NYAP2: variants seen among roughly 807,000 people sequenced by gnomAD.
NYAP2 encodes the protein neuronal tyrosine-phosphorylated phosphoinositide-3-kinase adapter 2.
In NYAP2, 23 loss-of-function variants were observed where a neutral mutation model predicts 50.4. That is an observed-to-expected ratio of 0.46 (90% CI 0.33 to 0.65). The LOEUF is 0.65. NYAP2 is among the 30% of genes least tolerant of loss of function. The probability of loss-of-function intolerance (pLI) is 0.02; values close to 1 mark genes in which losing one functional copy is unlikely to be tolerated. For synonymous variants in NYAP2, 394 were observed against 365.2 expected, an observed-to-expected ratio of 1.08 and a Z score of -0.90; for missense variants, 885 against 861.0, an observed-to-expected ratio of 1.03 and a Z score of -0.35.
intron 4 of NYAP2, among the ~76,000 whole-genome samples, chr2:225,536,610 A>G (rs1261990981): frequency 1.3e-5 from 2 of 152,104 alleles, no homozygotes; most frequent in African/African-American, 4.8e-5. Context: ...TAACCATACA[A>G]TGTGTAATAA....
intron 3 of NYAP2, among the ~76,000 whole-genome samples, chr2:225,434,762 A>G (rs1689347459): frequency 1.3e-5 from 2 of 152,368 alleles, no homozygotes; most frequent in South Asian, 4.1e-4. Context: ...TGTGTTGGAC[A>G]CGTTTCATTA....
Position 225,422,854 on chromosome 2 carries a change from C to T in NYAP2, c.221+13753C>T, listed in dbSNP as rs181908578. Among the ~76,000 whole-genome samples, 487 of 152,132 alleles carry T rather than the reference C, an allele frequency of 3.2e-3. 1 individual carries two copies. Among genetic ancestry groups the T allele is most frequent in the African/African-American group, 0.011 (460 of 41,516 alleles). Reference sequence around the variant, plus strand: ...TCTTAGTCTGGTTTCTAATCGTGAACGATTCTTTTTAATGATAGATACTAT... The same window carrying T: ...TCTTAGTCTGGTTTCTAATCGTGAATGATTCTTTTTAATGATAGATACTAT... On this transcript the variant is annotated intron_variant, in intron 3 of 6. Coordinates refer to ENST00000636099, the Ensembl canonical transcript of NYAP2.
intron 4 of NYAP2, among the ~76,000 whole-genome samples, chr2:225,531,060 G>A (rs1421703718): frequency 2.6e-5 from 4 of 152,158 alleles, no homozygotes; most frequent in Non-Finnish European, 4.4e-5. Context: ...TTTCTCACAT[G>A]TGTATCCAAT....
chr2:225,479,080 CAT>C (rs951564867), intron 3 of NYAP2, among the ~76,000 whole-genome samples: 2 of 152,074 alleles, frequency 1.3e-5, no homozygotes, highest in Admixed American at 6.5e-5. Flanking sequence ...AAAATATGTT[CAT>C]ATGTGACTTG....
chr2:225,552,284 A>G (rs913014753), intron 4 of NYAP2, among the ~76,000 whole-genome samples: 5 of 152,226 alleles, frequency 3.3e-5, no homozygotes, highest in African/African-American at 1.2e-4. Flanking sequence ...TTGAACACAT[A>G]GAATTTCATA....
At chr2:225,566,572 A>G (rs934237183) in intron 4 of NYAP2, among the ~76,000 whole-genome samples, 12 of 152,230 alleles carry the variant, frequency 7.9e-5, no homozygotes, top group Non-Finnish European at 8.8e-5. Context: ...GGTGCTTAGC[A>G]TCATGCATTT....
At chr2:225,657,665 A>C (rs185087712), downstream of NYAP2, among the ~76,000 whole-genome samples, 2 of 152,186 alleles carry the variant, frequency 1.3e-5, no homozygotes, top group Admixed American at 6.5e-5. Context: ...GAGTAGAAAA[A>C]CTTCAAAAAT....
At chr2:225,583,612 C>T in intron 5 of NYAP2, among the ~76,000 whole-genome samples, 1 of 149,320 alleles carries the variant, frequency 6.7e-6, no homozygotes, top group South Asian at 2.1e-4. Flanking sequence ...CCTGGAAAGT[C>T]AAACAGTGAA....
At position 225,607,600 on chromosome 2, in the gene NYAP2, G is replaced by A. The variant is rs375621628; in HGVS notation, c.1619-19317G>A. Among the ~76,000 whole-genome samples the A allele has an allele frequency of 2.7e-4, 41 of 152,158 alleles. No individual in the cohort carries two copies. The South Asian group carries it at 7.3e-3, about 27-fold the overall frequency. ...CTTAAAACATCCTAAGTCAAAATTT[G>A]TACCTGACCCAGGTTATAAAGATTT... On this transcript the variant is annotated intron_variant, in intron 5 of 6. Coordinates refer to ENST00000636099, the Ensembl canonical transcript of NYAP2.
chr2:225,453,785 A>T (rs1444720289), intron 3 of NYAP2, among the ~76,000 whole-genome samples: 2 of 151,356 alleles, frequency 1.3e-5, no homozygotes, highest in Non-Finnish European at 2.9e-5. Context: ...CTCCTGCCTA[A>T]ACCTTCTGAG....
At chr2:225,499,298 C>T (rs1690559910) in intron 3 of NYAP2, among the ~76,000 whole-genome samples, 1 of 151,672 alleles carries the variant, frequency 6.6e-6, no homozygotes, top group East Asian at 1.9e-4. Flanking sequence ...CTAGTTTATG[C>T]CACTAGCAAG....
intron 4 of NYAP2, among the ~76,000 whole-genome samples, chr2:225,575,298 A>C (rs1487172534): frequency 6.6e-6 from 1 of 152,140 alleles, no homozygotes; most frequent in Non-Finnish European, 1.5e-5. Context: ...TGAGTACCAA[A>C]ACCGGTGTAC....
chr2:225,473,143 G>A (rs904249751), intron 3 of NYAP2, among the ~76,000 whole-genome samples: 19 of 151,864 alleles, frequency 1.3e-4, no homozygotes, highest in East Asian at 5.8e-4. Context: ...TGAACTCATC[G>A]TTTTTTATGG....
chr2:225,581,778 G>C (rs1344455773), intron 4 of NYAP2, among the ~76,000 whole-genome samples, 163 bp from the exon 5 acceptor site: 2 of 152,104 alleles, frequency 1.3e-5, no homozygotes, highest in Non-Finnish European at 2.9e-5. Flanking sequence ...CTAAATAAGG[G>C]AATGCTTGAC....
intron 6 of NYAP2, among the ~76,000 whole-genome samples, chr2:225,635,809 A>G (rs529953142): frequency 6.6e-6 from 1 of 152,338 alleles, no homozygotes; most frequent in Non-Finnish European, 1.5e-5. Context: ...ACAGTTATCA[A>G]ATAAGTAATC....
chr2:225,443,888 T>G (rs893462187), intron 3 of NYAP2, among the ~76,000 whole-genome samples: 8 of 152,336 alleles, frequency 5.3e-5, no homozygotes, highest in African/African-American at 1.9e-4. Flanking sequence ...TAGATCCAAT[T>G]GAGTCGACAT....
intron 3 of NYAP2, among the ~76,000 whole-genome samples, chr2:225,444,858 C>T (rs1689526894): frequency 6.6e-6 from 1 of 152,176 alleles, no homozygotes; most frequent in Admixed American, 6.5e-5. Context: ...GACAATAACA[C>T]TTATTTGTGC....
At chr2:225,531,908 G>C (rs1388955844) in intron 4 of NYAP2, among the ~76,000 whole-genome samples, 1 of 152,128 alleles carries the variant, frequency 6.6e-6, no homozygotes, top group Non-Finnish European at 1.5e-5. Flanking sequence ...ACTAATTATG[G>C]GTTGTCACAA....
chr2:225,404,009 C>G (rs1458337470), intron 2 of NYAP2, among the ~76,000 whole-genome samples: 1 of 151,966 alleles, frequency 6.6e-6, no homozygotes, highest in Non-Finnish European at 1.5e-5. Flanking sequence ...TTATCTGACT[C>G]TTTGTACACC....
Sources: gnomAD v4.1 joint callset for allele counts (sites outside exome capture counted in the v4.1 genomes callset) on GRCh38, gnomAD v4.1.1 for gene constraint, MANE v1.5 for transcripts, NCBI Gene and HGNC (gene_info 2026-07-23, HGNC 2026-07-21) for gene names.